The following C15orf40 variants were observed in gnomAD, a reference collection of about 807,000 sequenced individuals.
The protein encoded by C15orf40 is chromosome 15 open reading frame 40.
In C15orf40, 9 loss-of-function variants were observed where a neutral mutation model predicts 13.9. The ratio of observed to expected loss-of-function variants is 0.65; its 90% CI spans 0.39 to 1.13. The LOEUF is 1.13. C15orf40 is among the 50% of genes most tolerant of loss of function. The pLI is 0.01. For synonymous variants in C15orf40, 95 were observed against 69.2 expected (o/e 1.37, Z -1.85); for missense variants, 225 against 188.5 (o/e 1.19, Z -1.13).
chr15:82,995,462 A>G lies in C15orf40; in HGVS notation c.*10135T>C. ...AACATTTGCAGGATGAAACAGGAGG[A>G]GCAGGTTAACGAAGAAGACAAGTCT... is the stretch of plus-strand genomic sequence containing the variant. On this transcript the variant is annotated 3_prime_UTR_variant, in exon 4 of 4. Coordinates refer to ENST00000304177, the MANE Select transcript of C15orf40 (RefSeq NM_144597.3). 6.6e-6 allele frequency: 1 copy of G among 152,526 alleles called. No individual in the cohort carries two copies. The highest frequency in any genetic ancestry group is 1.5e-5 in the Non-Finnish European group (1 of 68,172). The allele number at this position is 152,526 out of a possible 1,614,324, so 9.4% of individuals were successfully genotyped here.
In C15orf40 at chr15:83,001,295, AC is replaced by A; in HGVS notation, c.*4301del. 1 of 985,470 alleles carries A rather than the reference AC, an allele frequency of 1.0e-6. No homozygotes were observed. Among genetic ancestry groups the A allele is most frequent in the Non-Finnish European group, 1.2e-6 (1 of 829,940 alleles). 61.0% of individuals were successfully genotyped at this position (985,470 alleles called of 1,614,324 possible). ...TGTCGAAGTACAGCATAGGCAAACC[AC>A]CTAGCAGTGTCTGTCAAGTAAGCAA... On this transcript the variant is annotated 3_prime_UTR_variant, in exon 4 of 4. Coordinates refer to ENST00000304177, the MANE Select transcript of C15orf40 (RefSeq NM_144597.3).
downstream of C15orf40, chr15:82,988,982 T>A (rs571486084): frequency 1.9e-6 from 3 of 1,545,174 alleles, no homozygotes; most frequent in South Asian, 1.2e-5. Context: ...AAATTTTTTT[T>A]AATGGAAATG....
rs2031585132 is a variant in C15orf40, at chr15:83,004,792, C to T, written c.*805G>A. 1 of 1,164,932 alleles carries T rather than the reference C, an allele frequency of 8.6e-7. No individual in the cohort carries two copies. Among genetic ancestry groups the T allele is most frequent in the Non-Finnish European group, 1.1e-6 (1 of 913,228 alleles). The allele number at this position is 1,164,932 out of a possible 1,614,324, so 72.2% of individuals were successfully genotyped here. A position where few individuals can be genotyped will look rare whatever the true frequency, so the allele number is the denominator to read the frequency against. Reference sequence around the variant, plus strand: ...AATCTAAGGTAAGACTACAAAGCAGCATAACAGGTTTTCTGTCACTTGTAA... The same window carrying T: ...AATCTAAGGTAAGACTACAAAGCAGTATAACAGGTTTTCTGTCACTTGTAA... On this transcript the variant is annotated 3_prime_UTR_variant, in exon 4 of 4. Transcript: ENST00000304177.
At chr15:83,010,564 C>T (rs1269564117) in intron 1 of C15orf40, 4 of 547,150 alleles carry the variant, frequency 7.3e-6, no homozygotes, top group Admixed American at 6.9e-5. Flanking sequence ...CCCATCAACC[C>T]AACAGTGTTT....
intron 3 of C15orf40, chr15:83,008,345 T>C: frequency 2.1e-6 from 1 of 482,928 alleles, no homozygotes. Context: ...ATGGTGAAAC[T>C]CCGTCTCTAT....
downstream of C15orf40, chr15:82,990,552 T>C: frequency 3.0e-6 from 3 of 1,013,668 alleles, no homozygotes; most frequent in South Asian, 3.2e-5. Flanking sequence ...GCTTTTTTTT[T>C]TTTTTGCATT....
In C15orf40 at chr15:83,005,457, T is replaced by C; in HGVS notation, c.*140A>G. On this transcript the variant is annotated 3_prime_UTR_variant, in exon 4 of 4. Coordinates refer to ENST00000304177, the MANE Select transcript of C15orf40 (RefSeq NM_144597.3). ...GCGCCATCACATCTGGCTAATTTTG[T>C]ATTTTTCGTAGAGATGGGGTTTCAC... 3.8e-6 allele frequency: 3 copies of C among 795,158 alleles called. No individual in the cohort carries two copies. 49.3% of individuals were successfully genotyped at this position (795,158 alleles called of 1,614,324 possible). A position where few individuals can be genotyped will look rare whatever the true frequency, so the allele number is the denominator to read the frequency against.
chr15:83,007,567 C>T (rs2031755496), intron 3 of C15orf40, among the ~76,000 whole-genome samples: 1 of 152,096 alleles, frequency 6.6e-6, no homozygotes, highest in Non-Finnish European at 1.5e-5. Context: ...AAAGAAAAAT[C>T]AGTATTTTAT....
At chr15:82,990,801 T>C, downstream of C15orf40, 1 of 617,168 alleles carries the variant, frequency 1.6e-6, no homozygotes, top group Non-Finnish European at 2.9e-6. Context: ...AGTTTAACTC[T>C]GTACTGTTCA....
intron 2 of C15orf40, 46 bp downstream of exon 2, chr15:83,010,191 A>G (rs1229875060): frequency 1.2e-6 from 2 of 1,611,500 alleles, no homozygotes; most frequent in Non-Finnish European, 1.7e-6. Context: ...GGGCTGTAGG[A>G]GACACCTGAT....
intron 3 of C15orf40, among the ~76,000 whole-genome samples, chr15:83,007,433 T>C (rs961031032): frequency 6.6e-6 from 1 of 152,192 alleles, no homozygotes; most frequent in African/African-American, 2.4e-5. Context: ...ACAGTGTGGA[T>C]AGTCTCAGTA....
chr15:83,011,416 T>G, intron 1 of C15orf40, 81 bp downstream of exon 1: 1 of 1,455,422 alleles, frequency 6.9e-7, no homozygotes. Flanking sequence ...CTCCACTCAC[T>G]CCCGGGCCCC....
At position 82,996,331 on chromosome 15, in the gene C15orf40, C is replaced by T. The variant is rs1242110931; in HGVS notation, c.*9266G>A. Reference sequence around the variant, plus strand: ...GTGTATTTTTCTCATTTTAAAATTTCCTCAACTTGTGTGTTTACAAAATAA... The same window carrying T: ...GTGTATTTTTCTCATTTTAAAATTTTCTCAACTTGTGTGTTTACAAAATAA... On this transcript the variant is annotated 3_prime_UTR_variant, in exon 4 of 4. Transcript: ENST00000304177. 1 of 152,170 alleles carries T rather than the reference C, an allele frequency of 6.6e-6. No individual in the cohort carries two copies. The highest frequency in any genetic ancestry group is 1.9e-4 in the East Asian group (1 of 5,198). The allele number at this position is 152,170 out of a possible 1,614,324, so 9.4% of individuals were successfully genotyped here.
rs910182730 is a variant in C15orf40 at position 82,996,466 on chromosome 15, C to T, written c.*9131G>A. The stretch of plus-strand genomic sequence containing the variant: ...CCATTCTGGCTAACACGGTGAAACC[C>T]CGTCTCTACTAAAAATACAAAAAGA... On this transcript the variant is annotated 3_prime_UTR_variant, in exon 4 of 4. Transcript: ENST00000304177. 3.3e-5 allele frequency: 5 copies of T among 151,888 alleles called. No individual in the cohort carries two copies. Among genetic ancestry groups the T allele is most frequent in the Admixed American group, 6.6e-5 (1 of 15,222 alleles). The allele number at this position is 151,888 out of a possible 1,614,324, so 9.4% of individuals were successfully genotyped here.
downstream of C15orf40, chr15:82,991,854 ATATT>A (rs910002336): frequency 2.4e-5 from 30 of 1,271,912 alleles, no homozygotes; most frequent in Non-Finnish European, 2.1e-5. Flanking sequence ...GATACTACAG[ATATT>A]TAGTCTAGAT....
intron 1 of C15orf40, 106 bp downstream of exon 1, chr15:83,011,391 A>G: frequency 7.8e-7 from 1 of 1,273,896 alleles, no homozygotes; most frequent in Non-Finnish European, 1.0e-6. Flanking sequence ...AGAGACGGCA[A>G]GCCGCTGGCA....
downstream of C15orf40, chr15:82,989,814 T>A: frequency 1.3e-6 from 2 of 1,568,758 alleles, no homozygotes; most frequent in Non-Finnish European, 1.7e-6. Flanking sequence ...GAAGCACTGC[T>A]ATGGGTTTGT....
Position 83,011,566 on chromosome 15 carries a change from T to G in C15orf40, c.42A>C (p.Thr14=). Residue 14 remains threonine (T), a synonymous_variant, in exon 1 of 4, where the codon ACA becomes ACC. Transcript: ENST00000304177. The part of the protein sequence containing the change: ...LRSGLRHLRA[T]PNTRGSARLL... ...GCCGAGCGGAGCCCCGAGTATTGGG[T>G]GTTGCCCGAAGGTGCCTCAGCCCGC... The G allele has an allele frequency of 6.2e-7, 1 of 1,604,764 alleles. No homozygotes were observed.
intron 2 of C15orf40, among the ~76,000 whole-genome samples, chr15:83,009,507 G>A (rs2031879800): frequency 6.6e-6 from 1 of 152,224 alleles, no homozygotes; most frequent in South Asian, 2.1e-4. Context: ...TCTAAAAATG[G>A]TTTGAAATAC....
Sources: gnomAD v4.1 joint callset for allele counts (sites outside exome capture counted in the v4.1 genomes callset) on GRCh38, gnomAD v4.1.1 for gene constraint, MANE v1.5 for transcripts, NCBI Gene and HGNC (gene_info 2026-07-23, HGNC 2026-07-21) for gene names.